The following CDH19 variants were observed in gnomAD, a reference collection of about 807,000 sequenced individuals.
CDH19 encodes cadherin 19.
A neutral mutation model predicts 64.2 loss-of-function variants in CDH19; 67 were observed. That is an observed-to-expected ratio of 1.04 (90% CI 0.86 to 1.28). The LOEUF (loss-of-function observed/expected upper bound fraction) is 1.28, where lower values mean the gene tolerates loss of function less well. Among genes scored for constraint, CDH19 ranks in the 50% most tolerant of loss-of-function variants. The pLI, the probability that CDH19 is intolerant of heterozygous loss-of-function variation, is 0.00. For missense variants in CDH19, 1,030 were observed against 929.0 expected (o/e 1.11, Z -1.41); for synonymous variants, 346 against 319.3 (o/e 1.08, Z -0.89).
chr18:66,534,557 G>A (rs965263534), intron 8 of CDH19, among the ~76,000 whole-genome samples: 1 of 151,744 alleles, frequency 6.6e-6, no homozygotes, highest in Non-Finnish European at 1.5e-5. Flanking sequence ...AAATGACTTC[G>A]ATATTTTATA....
At chr18:66,596,365 T>A (rs897709933) in intron 1 of CDH19, 81 of 152,254 alleles carry the variant, frequency 5.3e-4, no homozygotes, top group African/African-American at 1.8e-3. Flanking sequence ...AGAGATAATG[T>A]CAAAATATCT....
chr18:66,560,581 T>C (rs985271893), intron 3 of CDH19, among the ~76,000 whole-genome samples: 1 of 151,996 alleles, frequency 6.6e-6, no homozygotes, highest in Non-Finnish European at 1.5e-5. Flanking sequence ...AGGGCAAATA[T>C]ATGTATATAA....
chr18:66,542,480 T>C (rs1013485174), intron 7 of CDH19, among the ~76,000 whole-genome samples: 21 of 152,068 alleles, frequency 1.4e-4, no homozygotes, highest in African/African-American at 5.1e-4. Flanking sequence ...CCTCAACTAC[T>C]GAAACAAACA....
At chr18:66,596,910 G>A (rs973085756) in intron 1 of CDH19, among the ~76,000 whole-genome samples, 16 of 149,324 alleles carry the variant, frequency 1.1e-4, no homozygotes, top group African/African-American at 3.4e-4. Flanking sequence ...GTGAAACCCC[G>A]TCTCTACTAA....
At position 66,509,009 on chromosome 18, in the gene CDH19, A is replaced by G. The variant is rs1985337702; in HGVS notation, c.1814T>C (p.Ile605Thr). 1.2e-6 allele frequency: 2 copies of G among 1,609,320 alleles called. No homozygotes were observed. The highest frequency in any genetic ancestry group is 1.3e-5 in the African/African-American group (1 of 74,762). ...TEVIIAILIC[I>T]MIIFGFIFLT... ...CTTCTACCTACCAAATATGATCATA[A>G]TGCAAATGAGAATAGCAATGATGAC... Residue 605 changes from isoleucine (I) to threonine (T), a missense_variant, in exon 11 of 12, where the codon ATT becomes ACT. Coordinates refer to ENST00000262150, the MANE Select transcript of CDH19 (RefSeq NM_021153.4).
chr18:66,505,244 C>A lies in CDH19; in HGVS notation c.1887G>T (p.Glu629Asp). ...TATTCTCTCTGAAATCTTCACTTTTCTCAGGAAATAGAATCTGTTTTCTCC... is the reference window on the plus strand; with the variant it reads ...TATTCTCTCTGAAATCTTCACTTTTATCAGGAAATAGAATCTGTTTTCTCC... Reference protein sequence around the residue: ...KQRRKQILFPEKSEDFRENIF... With the variant: ...KQRRKQILFPDKSEDFRENIF... The change falls in exon 12 of 12, where the codon GAG (glutamate) becomes GAT (aspartate). Residue 629 changes from glutamate (E) to aspartate (D), a missense_variant. By Grantham distance (45) the Glu-to-Asp change is conservative. Transcript: ENST00000262150. The A allele has an allele frequency of 6.3e-7, 1 of 1,598,806 alleles. No homozygotes were observed. Among genetic ancestry groups the A allele is most frequent in the Non-Finnish European group, 8.5e-7 (1 of 1,175,426 alleles).
chr18:66,581,858 C>T (rs750978390), intron 1 of CDH19, among the ~76,000 whole-genome samples: 1 of 152,030 alleles, frequency 6.6e-6, no homozygotes, highest in South Asian at 2.1e-4. Context: ...TTCATATATG[C>T]ATATATCATA....
In CDH19 at chr18:66,572,150, A is replaced by T. The variant is rs116708360; in HGVS notation, c.55T>A (p.Cys19Ser). Residue 19 changes from cysteine (C) to serine (S), a missense_variant, in exon 2 of 12, where the codon TGT (cysteine) becomes AGT (serine). Cys to Ser is a moderately radical substitution (Grantham distance 112). Transcript: ENST00000262150. ...TGAGAGTTTTCTGTTGCTCCAAGAC[A>T]AGGCCATAGGAGAGGAATTCCCAAC... ...FMLGIPLLWP[C>S]LGATENSQTK... 1.3e-3 allele frequency: 2,167 copies of T among 1,611,400 alleles called. 25 individuals are homozygous for T. In the African/African-American group the frequency reaches 0.024, roughly 18 times the overall value.
intron 1 of CDH19, among the ~76,000 whole-genome samples, chr18:66,577,111 C>G (rs1235409760): frequency 6.6e-6 from 1 of 151,492 alleles, no homozygotes; most frequent in African/African-American, 2.4e-5. Flanking sequence ...TCAGAAAACT[C>G]AAAATGGTTA....
intron 11 of CDH19, 59 bp from the exon 12 acceptor site, chr18:66,505,361 A>G (rs780057674): frequency 1.7e-4 from 226 of 1,314,686 alleles, no homozygotes; most frequent in Non-Finnish European, 2.0e-4. Context: ...TAAACATTAC[A>G]GTCTTTGCTC....
At chr18:66,581,407 T>C (rs1366086528) in intron 1 of CDH19, among the ~76,000 whole-genome samples, 2 of 152,044 alleles carry the variant, frequency 1.3e-5, no homozygotes, top group African/African-American at 2.4e-5. Context: ...AGATAGCTGG[T>C]TAAGTATTTT....
intron 9 of CDH19, among the ~76,000 whole-genome samples, chr18:66,515,475 G>C (rs1222046484): frequency 6.6e-6 from 1 of 151,740 alleles, no homozygotes; most frequent in East Asian, 1.9e-4. Flanking sequence ...GTTGTAGTAT[G>C]CTTGTTGTCT....
chr18:66,566,892 T>C (rs1254396319), intron 3 of CDH19, among the ~76,000 whole-genome samples: 1 of 151,836 alleles, frequency 6.6e-6, no homozygotes, highest in East Asian at 1.9e-4. Context: ...GACATACGTG[T>C]TATATGTTGA....
At chr18:66,576,505 G>T (rs987592132) in intron 1 of CDH19, among the ~76,000 whole-genome samples, 10 of 151,256 alleles carry the variant, frequency 6.6e-5, no homozygotes, top group Non-Finnish European at 1.3e-4. Flanking sequence ...AATTATAAAT[G>T]ATAAACAATG....
chr18:66,548,965 T>C (rs1211130659), intron 5 of CDH19, among the ~76,000 whole-genome samples: 1 of 152,078 alleles, frequency 6.6e-6, no homozygotes, highest in Non-Finnish European at 1.5e-5. Context: ...GTTTGAGAGA[T>C]GCCTTTAATT....
intron 11 of CDH19, among the ~76,000 whole-genome samples, chr18:66,508,670 C>T (rs1459155542): frequency 6.6e-6 from 1 of 151,732 alleles, no homozygotes; most frequent in Non-Finnish European, 1.5e-5. Context: ...GAGAGAAGCT[C>T]GCCATTATTA....
chr18:66,518,671 T>C (rs932433848), intron 9 of CDH19, among the ~76,000 whole-genome samples: 8 of 152,196 alleles, frequency 5.3e-5, no homozygotes, highest in Non-Finnish European at 1.2e-4. Flanking sequence ...TTGTTAACTT[T>C]TTATTATTTT....
chr18:66,552,713 T>C lies in CDH19; in HGVS notation c.611-1455A>G, dbSNP rs998695104. On this transcript the variant is annotated intron_variant, in intron 4 of 11. Coordinates refer to ENST00000262150, the MANE Select transcript of CDH19 (RefSeq NM_021153.4). ...CAGTAATTTAATCCATGTTTGTCGT[T>C]GTCCATACCAACGCTTCTCCAGCAA... Among the ~76,000 whole-genome samples, 7 of 134,672 alleles carry C rather than the reference T, an allele frequency of 5.2e-5. 2 individuals carry two copies. The highest frequency in any genetic ancestry group is 2.4e-4 in the African/African-American group (7 of 29,174). The allele number at this position is 134,672 out of a possible 152,430, so 88.4% of individuals were successfully genotyped here.
intron 1 of CDH19, among the ~76,000 whole-genome samples, chr18:66,575,234 G>T (rs1249623126): frequency 6.6e-6 from 1 of 151,744 alleles, no homozygotes; most frequent in Non-Finnish European, 1.5e-5. Flanking sequence ...TCGGGGGAGT[G>T]CAAGGGGAGT....
Sources: allele counts gnomAD v4.1 joint callset (sites outside exome capture counted in the v4.1 genomes callset), GRCh38; gene constraint gnomAD v4.1.1; transcripts MANE v1.5; gene names NCBI Gene and HGNC (gene_info 2026-07-23, HGNC 2026-07-21).